The following KCNH8 variants were observed in gnomAD, a reference collection of about 807,000 sequenced individuals.
KCNH8 encodes the protein voltage-gated delayed rectifier potassium channel KCNH8.
KCNH8 carries 70 observed loss-of-function variants against 103.6 expected under a neutral mutation model. That is an observed-to-expected ratio of 0.68 (90% confidence interval 0.56 to 0.82). The LOEUF (loss-of-function observed/expected upper bound fraction) is 0.82. Among genes scored for constraint, KCNH8 ranks in the 40% least tolerant of loss-of-function variants. The probability of loss-of-function intolerance (pLI) is 0.00; values close to 1 mark genes in which losing one functional copy is unlikely to be tolerated. For missense variants in KCNH8, 1,217 were observed against 1,329.9 expected (o/e 0.92, Z 1.32); for synonymous variants, 498 against 489.4 (o/e 1.02, Z -0.23).
chr3:19,496,796 A>C (rs1490045333), intron 11 of KCNH8, among the ~76,000 whole-genome samples: 2 of 152,178 alleles, frequency 1.3e-5, no homozygotes, highest in East Asian at 3.8e-4. Context: ...ATCTGGCAGA[A>C]TTTGGCTGTG....
At chr3:19,308,710 CT>C (rs2065166523) in intron 3 of KCNH8, among the ~76,000 whole-genome samples, 8 of 83,098 alleles carry the variant, frequency 9.6e-5, no homozygotes, top group African/African-American at 2.5e-4. Context: ...CTCTCTCTCT[CT>C]CTCTCTCCCC....
At chr3:19,240,599 C>T (rs1382694041) in intron 1 of KCNH8, among the ~76,000 whole-genome samples, 2 of 145,824 alleles carry the variant, frequency 1.4e-5, no homozygotes, top group East Asian at 2.0e-4. Flanking sequence ...GCAACAAGAG[C>T]GAAACTCTGT....
intron 1 of KCNH8, among the ~76,000 whole-genome samples, chr3:19,204,801 T>G (rs58683436): frequency 0.093 from 14,139 of 152,068 alleles, 2,220 homozygotes; most frequent in African/African-American, 0.32. Context: ...GACCTAAAGA[T>G]ATCTTAGCTC....
intron 11 of KCNH8, among the ~76,000 whole-genome samples, chr3:19,467,817 C>A (rs961002274): frequency 6.6e-6 from 1 of 152,194 alleles, no homozygotes; most frequent in Non-Finnish European, 1.5e-5. Context: ...TTTATCATAA[C>A]TTTCAAGGTT....
At chr3:19,348,525 T>C (rs1448284225) in intron 5 of KCNH8, among the ~76,000 whole-genome samples, 2 of 152,070 alleles carry the variant, frequency 1.3e-5, no homozygotes, top group African/African-American at 4.8e-5. Context: ...CACTAGAATA[T>C]TGTGTACCTC....
chr3:19,396,667 A>G (rs879689752), intron 7 of KCNH8, among the ~76,000 whole-genome samples: 4 of 152,030 alleles, frequency 2.6e-5, no homozygotes, highest in Non-Finnish European at 5.9e-5. Flanking sequence ...AGAGAAGGAG[A>G]AAGAGAGAGA....
intron 5 of KCNH8, among the ~76,000 whole-genome samples, chr3:19,378,959 C>T (rs2066250532): frequency 6.6e-6 from 1 of 152,120 alleles, no homozygotes; most frequent in African/African-American, 2.4e-5. Flanking sequence ...GACAGTTGTT[C>T]CCAAGTAGTG....
intron 1 of KCNH8, among the ~76,000 whole-genome samples, chr3:19,189,999 A>G (rs1161440864): frequency 6.6e-6 from 1 of 151,994 alleles, no homozygotes; most frequent in African/African-American, 2.4e-5. Flanking sequence ...TTATTTGATC[A>G]GTTGATTTTG....
chr3:19,417,798 T>A (rs980819634), intron 7 of KCNH8, among the ~76,000 whole-genome samples: 2 of 152,132 alleles, frequency 1.3e-5, no homozygotes, highest in African/African-American at 4.8e-5. Context: ...GAACCAAGGC[T>A]CTGAGACTGT....
chr3:19,496,119 G>T (rs2068435951), intron 11 of KCNH8, among the ~76,000 whole-genome samples: 1 of 152,092 alleles, frequency 6.6e-6, no homozygotes, highest in Admixed American at 6.6e-5. Context: ...GGGTTTTCTA[G>T]ATATAAAATT....
chr3:19,318,309 A>G (rs2065301692), intron 3 of KCNH8, among the ~76,000 whole-genome samples: 1 of 151,764 alleles, frequency 6.6e-6, no homozygotes, highest in South Asian at 2.1e-4. Context: ...TTTTGGAGAA[A>G]CAAGTGGTGT....
At chr3:19,522,324 C>T (rs1374100784) in intron 15 of KCNH8, among the ~76,000 whole-genome samples, 1 of 151,732 alleles carries the variant, frequency 6.6e-6, no homozygotes, top group Non-Finnish European at 1.5e-5. Context: ...ACCAGGAGAG[C>T]CAGTGGTGTC....
At chr3:19,477,388 GAACTT>G in intron 11 of KCNH8, among the ~76,000 whole-genome samples, 1 of 151,102 alleles carries the variant, frequency 6.6e-6, no homozygotes, top group South Asian at 2.1e-4. Context: ...ATTGGACCGA[GAACTT>G]AACAATGAAT....
At chr3:19,367,628 T>C (rs2066031482) in intron 5 of KCNH8, among the ~76,000 whole-genome samples, 1 of 151,826 alleles carries the variant, frequency 6.6e-6, no homozygotes, top group Admixed American at 6.6e-5. Flanking sequence ...AACATATGTC[T>C]CCTTACCAGC....
intron 2 of KCNH8, among the ~76,000 whole-genome samples, chr3:19,276,293 T>C (rs571640555): frequency 1.0e-3 from 152 of 151,978 alleles, no homozygotes; most frequent in African/African-American, 3.5e-3. Flanking sequence ...ACTGAGACAA[T>C]GGTTGTAGAG....
intron 7 of KCNH8, among the ~76,000 whole-genome samples, chr3:19,407,964 G>A (rs888510867): frequency 6.6e-6 from 1 of 152,046 alleles, no homozygotes; most frequent in Non-Finnish European, 1.5e-5. Context: ...TGCCATCAGG[G>A]AACCTGCTGG....
intron 7 of KCNH8, among the ~76,000 whole-genome samples, chr3:19,397,579 C>A (rs1266985086): frequency 6.7e-6 from 1 of 149,780 alleles, no homozygotes; most frequent in African/African-American, 2.5e-5. Context: ...ATATATTTTT[C>A]TTATTATGGG....
At chr3:19,495,754 G>T (rs2068426066) in intron 11 of KCNH8, among the ~76,000 whole-genome samples, 1 of 151,620 alleles carries the variant, frequency 6.6e-6, no homozygotes, top group African/African-American at 2.4e-5. Context: ...GTCACTGGCA[G>T]TTTCATAGGC....
At chr3:19,152,995 C>A (rs2063145436) in intron 1 of KCNH8, among the ~76,000 whole-genome samples, 1 of 151,268 alleles carries the variant, frequency 6.6e-6, no homozygotes, top group Non-Finnish European at 1.5e-5. Context: ...ACTTCCTCTA[C>A]AGAGGAAATT....
Sources: allele counts gnomAD v4.1 joint callset (sites outside exome capture counted in the v4.1 genomes callset), GRCh38; gene constraint gnomAD v4.1.1; transcripts MANE v1.5; gene names NCBI Gene and HGNC (gene_info 2026-07-23, HGNC 2026-07-21).